C2orf66: variants seen among roughly 807,000 people sequenced by gnomAD.
C2orf66 encodes uncharacterized protein C2orf66.
C2orf66 carries 6 observed loss-of-function variants against 7.0 expected under a neutral mutation model. The ratio of observed to expected loss-of-function variants is 0.86; its 90% CI spans 0.47 to 1.69. The LOEUF (loss-of-function observed/expected upper bound fraction) is 1.69, where lower values mean the gene tolerates loss of function less well. C2orf66 is among the 40% of genes most tolerant of loss of function. C2orf66 has a pLI of 0.01. For synonymous variants in C2orf66, 38 were observed against 43.8 expected (o/e 0.87, Z 0.52); for missense variants, 107 against 112.0 (o/e 0.96, Z 0.20).
upstream of C2orf66, among the ~76,000 whole-genome samples, chr2:196,811,145 A>ACC (rs1699871092): frequency 6.6e-6 from 1 of 152,170 alleles, no homozygotes; most frequent in South Asian, 2.1e-4. Context: ...GGCACTTTAA[A>ACC]GGTACTGAAA....
the C2orf66 span, among the ~76,000 whole-genome samples, chr2:196,817,666 CA>C: frequency 5.3e-5 from 8 of 152,176 alleles, no homozygotes; most frequent in South Asian, 1.2e-3. Flanking sequence ...TGCAGGAGAC[CA>C]GGGGGTATTT....
At chr2:196,807,650 C>A (rs1699832231) in intron 1 of C2orf66, 28 bp from the exon 2 acceptor site, 1 of 1,570,416 alleles carries the variant, frequency 6.4e-7, no homozygotes, top group Middle Eastern at 1.7e-4. Context: ...ATGGTCAATG[C>A]CAGATATAAA....
chr2:196,807,425 T>C lies in C2orf66; in HGVS notation c.*18A>G. 6.3e-7 allele frequency: 1 copy of C among 1,593,822 alleles called. No individual in the cohort carries two copies. Among genetic ancestry groups the C allele is most frequent in the East Asian group, 2.2e-5 (1 of 44,684 alleles). On this transcript the variant is annotated splice_region_variant and 3_prime_UTR_variant, in exon 2 of 3. Coordinates refer to ENST00000342506, the MANE Select transcript of C2orf66 (RefSeq NM_213608.3). ...CCAGAATAAAGGGCCAACTTTTACC[T>C]GAGCTCAGAAGAAACTTTCAGCCTT...
At chr2:196,826,533 T>C in the C2orf66 span, among the ~76,000 whole-genome samples, 1 of 152,242 alleles carries the variant, frequency 6.6e-6, no homozygotes, top group East Asian at 1.9e-4. Context: ...GAAATAGAAA[T>C]GAGAATGATA....
chr2:196,829,682 G>T, the C2orf66 span, among the ~76,000 whole-genome samples: 1 of 151,708 alleles, frequency 6.6e-6, no homozygotes, highest in African/African-American at 2.4e-5. Context: ...CGGATCACGA[G>T]GTCTGGAGAT....
rs1699831582 is a variant in C2orf66, at chr2:196,807,558, G to A, written c.188C>T (p.Pro63Leu). 1 of 1,613,600 alleles carries A rather than the reference G, an allele frequency of 6.2e-7. No individual in the cohort carries two copies. Among genetic ancestry groups the A allele is most frequent in the Admixed American group, 1.7e-5 (1 of 59,968 alleles). The change falls in exon 2 of 3, where the codon CCT becomes CTT. Residue 63 changes from proline (P) to leucine (L), a missense_variant. Physicochemically the swap from Pro to Leu is moderately conservative, Grantham distance 98 (BLOSUM62 -3). Coordinates refer to ENST00000342506, the MANE Select transcript of C2orf66 (RefSeq NM_213608.3). ...RGLDLGTFPN[P>L]FPTNENPRPL... ...TCTAGGATTTTCATTCGTGGGGAAA[G>A]GATTTGGAAATGTTCCAAGATCAAG...
chr2:196,821,787 A>G, the C2orf66 span, among the ~76,000 whole-genome samples: 2 of 152,204 alleles, frequency 1.3e-5, no homozygotes, highest in East Asian at 3.9e-4. Context: ...TTTGTATGAT[A>G]AAAGGAGTAG....
At chr2:196,828,693 C>G in the C2orf66 span, among the ~76,000 whole-genome samples, 1 of 152,158 alleles carries the variant, frequency 6.6e-6, no homozygotes, top group Non-Finnish European at 1.5e-5. Context: ...AGGTCAGTGA[C>G]AGAGGAAGTC....
chr2:196,815,782 T>A, the C2orf66 span, among the ~76,000 whole-genome samples: 1 of 152,208 alleles, frequency 6.6e-6, no homozygotes, highest in Non-Finnish European at 1.5e-5. Context: ...TCTATTGGAC[T>A]ATATAACCTT....
chr2:196,829,066 T>C, the C2orf66 span, among the ~76,000 whole-genome samples: 1 of 152,190 alleles, frequency 6.6e-6, no homozygotes, highest in African/African-American at 2.4e-5. Context: ...TTAACATATA[T>C]ATGTATATAT....
At chr2:196,808,466 T>C (rs1342841423) in intron 1 of C2orf66, among the ~76,000 whole-genome samples, 2 of 152,138 alleles carry the variant, frequency 1.3e-5, no homozygotes, top group Non-Finnish European at 2.9e-5. Context: ...TGAGAGCAGG[T>C]CGGGACCACT....
At chr2:196,823,205 C>A in the C2orf66 span, among the ~76,000 whole-genome samples, 1 of 151,982 alleles carries the variant, frequency 6.6e-6, no homozygotes, top group East Asian at 1.9e-4. Context: ...TTAACAACTA[C>A]GTAGATGTAG....
the C2orf66 span, among the ~76,000 whole-genome samples, chr2:196,830,516 T>C: frequency 6.6e-6 from 1 of 152,206 alleles, no homozygotes; most frequent in South Asian, 2.1e-4. Flanking sequence ...CAGGAATTGG[T>C]CTGCTAAATG....
At chr2:196,830,584 T>C in the C2orf66 span, among the ~76,000 whole-genome samples, 1 of 152,238 alleles carries the variant, frequency 6.6e-6, no homozygotes, top group African/African-American at 2.4e-5. Flanking sequence ...CTTCAGTTCT[T>C]GTAAGAGGAG....
chr2:196,821,156 C>A, the C2orf66 span, among the ~76,000 whole-genome samples: 1 of 152,172 alleles, frequency 6.6e-6, no homozygotes, highest in Non-Finnish European at 1.5e-5. Flanking sequence ...GGAATGCCAG[C>A]AGCCAACAGA....
At chr2:196,829,721 C>A in the C2orf66 span, among the ~76,000 whole-genome samples, 1 of 151,586 alleles carries the variant, frequency 6.6e-6, no homozygotes, top group Admixed American at 6.6e-5. Flanking sequence ...CACAGTGAAA[C>A]CCCGTCTCTA....
At chr2:196,816,316 C>T in the C2orf66 span, among the ~76,000 whole-genome samples, 22 of 152,156 alleles carry the variant, frequency 1.4e-4, no homozygotes, top group Non-Finnish European at 2.9e-4. Flanking sequence ...TAGAGTCAAA[C>T]GACGTTGGTT....
chr2:196,821,866 G>A, the C2orf66 span, among the ~76,000 whole-genome samples: 2 of 149,530 alleles, frequency 1.3e-5, no homozygotes, highest in African/African-American at 4.9e-5. Context: ...GGACATAATT[G>A]GGGAAATGAT....
chr2:196,814,878 A>G, the C2orf66 span, among the ~76,000 whole-genome samples: 1 of 152,252 alleles, frequency 6.6e-6, no homozygotes, highest in South Asian at 2.1e-4. Flanking sequence ...GGTAACATAC[A>G]TACTATAGTC....
Sources: allele counts gnomAD v4.1 joint callset (sites outside exome capture counted in the v4.1 genomes callset), GRCh38; gene constraint gnomAD v4.1.1; transcripts MANE v1.5; gene names NCBI Gene and HGNC (gene_info 2026-07-23, HGNC 2026-07-21).